Variants in LINGO2 observed in about 807,000 individuals in gnomAD.
LINGO2 encodes leucine rich repeat and Ig domain containing 2, also known as leucine-rich repeat and immunoglobulin-like domain-containing nogo receptor-interacting protein 2.
Under a neutral mutation model 30.6 loss-of-function variants are expected in LINGO2, and 14 were observed. The observed-to-expected ratio is 0.46, with a 90% confidence interval of 0.30 to 0.72. LINGO2 has a LOEUF of 0.72. LINGO2 is among the 30% of genes least tolerant of loss of function. The pLI is 0.07. For missense variants in LINGO2, 729 were observed against 751.7 expected (o/e 0.97, Z 0.35); for synonymous variants, 317 against 288.5 (o/e 1.10, Z -1.00).
chr9:28,703,413 CA>C, the LINGO2 span, among the ~76,000 whole-genome samples: 6 of 151,678 alleles, frequency 4.0e-5, no homozygotes, highest in Non-Finnish European at 8.9e-5. Flanking sequence ...TCTCCATTGG[CA>C]TTTTCCATTT....
chr9:28,227,394 AT>A (rs1821207236), intron 4 of LINGO2, among the ~76,000 whole-genome samples: 2 of 151,988 alleles, frequency 1.3e-5, no homozygotes, highest in Admixed American at 1.3e-4. Context: ...TTTTCCTCTA[AT>A]TTTTTCATCC....
At chr9:28,704,533 A>T in the LINGO2 span, among the ~76,000 whole-genome samples, 1 of 151,694 alleles carries the variant, frequency 6.6e-6, no homozygotes, top group Non-Finnish European at 1.5e-5. Context: ...CTGTCTTCCC[A>T]TTATGTGAAG....
At chr9:28,351,419 C>G (rs905918578) in intron 3 of LINGO2, among the ~76,000 whole-genome samples, 2 of 151,194 alleles carry the variant, frequency 1.3e-5, no homozygotes, top group Non-Finnish European at 2.9e-5. Context: ...ATAAATTCCT[C>G]GACACATACG....
At chr9:28,526,428 G>C (rs1821042736) in intron 1 of LINGO2, among the ~76,000 whole-genome samples, 1 of 152,130 alleles carries the variant, frequency 6.6e-6, no homozygotes, top group Non-Finnish European at 1.5e-5. Context: ...TTCTGTTGTA[G>C]AATCTTAGAA....
rs377199307 is a variant in LINGO2 at position 28,012,806 on chromosome 9, TATG to T, written c.-86-404_-86-402del. Among the ~76,000 whole-genome samples, 1,076 of 152,172 alleles carry T rather than the reference TATG, an allele frequency of 7.1e-3. 10 individuals are homozygous for T. The highest frequency in any genetic ancestry group is 0.035 in the South Asian group (167 of 4,828). On this transcript the variant is annotated intron_variant, in intron 4 of 5. Coordinates refer to ENST00000379992, the Ensembl canonical transcript of LINGO2. ...GAGCCTACTTTCTTTTCTTCACTTT[TATG>T]ATATCTCCATTCAAAAACTGTCTAT...
chr9:28,898,181 G>A, the LINGO2 span, among the ~76,000 whole-genome samples: 135,484 of 151,842 alleles, frequency 0.89, 60,758 homozygotes, highest in Non-Finnish European at 0.94. Context: ...TAACTGGGAA[G>A]CTACTTTGAA....
chr9:29,110,796 T>C, the LINGO2 span, among the ~76,000 whole-genome samples: 2 of 151,846 alleles, frequency 1.3e-5, no homozygotes, highest in Non-Finnish European at 2.9e-5. Context: ...GTTCAAGCAG[T>C]TCTCCTACCT....
chr9:28,417,388 A>T lies in LINGO2; in HGVS notation c.-278-44520T>A, dbSNP rs572863118. 2.1e-3 allele frequency among the ~76,000 whole-genome samples: 308 copies of T among 149,772 alleles called. 2 individuals are homozygous for T. Among genetic ancestry groups the T allele is most frequent in the African/African-American group, 7.4e-3 (290 of 39,166 alleles). ...AAAGCAGATCACTTTAACATATTTTATTTGTTATTTATCCAGTAATTATGA... is the reference window on the plus strand; with the variant it reads ...AAAGCAGATCACTTTAACATATTTTTTTTGTTATTTATCCAGTAATTATGA... On this transcript the variant is annotated intron_variant, in intron 2 of 5. Transcript: ENST00000379992.
At chr9:28,492,581 C>G (rs1179963815) in intron 1 of LINGO2, among the ~76,000 whole-genome samples, 1 of 152,128 alleles carries the variant, frequency 6.6e-6, no homozygotes, top group African/African-American at 2.4e-5. Context: ...ACAAATCATT[C>G]TGGGTCTTTT....
At chr9:28,559,731 AT>A (rs898875683) in intron 1 of LINGO2, among the ~76,000 whole-genome samples, 2 of 151,738 alleles carry the variant, frequency 1.3e-5, no homozygotes, top group East Asian at 1.9e-4. Context: ...TTTCTGTTAA[AT>A]TTTTTTTGTT....
chr9:28,977,940 G>T, the LINGO2 span, among the ~76,000 whole-genome samples: 20 of 152,244 alleles, frequency 1.3e-4, no homozygotes, highest in African/African-American at 4.1e-4. Context: ...TAAAAACTTG[G>T]AGAGAATTCA....
At chr9:28,944,099 G>A in the LINGO2 span, among the ~76,000 whole-genome samples, 1 of 152,168 alleles carries the variant, frequency 6.6e-6, no homozygotes, top group Non-Finnish European at 1.5e-5. Flanking sequence ...AAGGCAGTAA[G>A]CGAGACTTCT....
chr9:28,604,267 C>T (rs1307975183), intron 1 of LINGO2, among the ~76,000 whole-genome samples: 1 of 151,922 alleles, frequency 6.6e-6, no homozygotes, highest in African/African-American at 2.4e-5. Flanking sequence ...CAAAAGAAGG[C>T]ATGTAAAGAT....
At chr9:28,097,923 C>T (rs769239103) in intron 4 of LINGO2, among the ~76,000 whole-genome samples, 17 of 151,960 alleles carry the variant, frequency 1.1e-4, no homozygotes, top group Non-Finnish European at 2.2e-4. Flanking sequence ...GAGCTGGATA[C>T]CTAGTTTAAG....
the LINGO2 span, among the ~76,000 whole-genome samples, chr9:29,013,230 A>T: frequency 6.6e-6 from 1 of 152,190 alleles, no homozygotes; most frequent in African/African-American, 2.4e-5. Context: ...AAACTAATTC[A>T]CTTTTTCAGA....
chr9:28,746,356 T>C, the LINGO2 span, among the ~76,000 whole-genome samples: 1 of 152,048 alleles, frequency 6.6e-6, no homozygotes, highest in Non-Finnish European at 1.5e-5. Flanking sequence ...TGAGAGATAT[T>C]ATTGCTGGAA....
the LINGO2 span, among the ~76,000 whole-genome samples, chr9:28,762,837 G>C: frequency 2.0e-5 from 3 of 151,918 alleles, no homozygotes; most frequent in Admixed American, 6.6e-5. Flanking sequence ...CTCTCCTGTG[G>C]TGGTGATATG....
At chr9:28,459,791 C>T (rs938152111) in intron 2 of LINGO2, among the ~76,000 whole-genome samples, 2 of 151,784 alleles carry the variant, frequency 1.3e-5, no homozygotes, top group Admixed American at 6.6e-5. Flanking sequence ...AGTATTTATA[C>T]CGTTAAGTAA....
intron 1 of LINGO2, among the ~76,000 whole-genome samples, chr9:28,599,931 A>G (rs983195051): frequency 2.0e-5 from 3 of 152,172 alleles, no homozygotes; most frequent in African/African-American, 2.4e-5. Context: ...AGTGAATTGA[A>G]ACATACCAGC....
Sources: gnomAD v4.1 joint callset for allele counts (sites outside exome capture counted in the v4.1 genomes callset) on GRCh38, gnomAD v4.1.1 for gene constraint, MANE v1.5 for transcripts, NCBI Gene and HGNC (gene_info 2026-07-23, HGNC 2026-07-21) for gene names.